The following TMCC1 variants were observed in gnomAD, a reference collection of about 807,000 sequenced individuals.
TMCC1 encodes transmembrane and coiled-coil domain family 1, also known as transmembrane and coiled-coil domains protein 1.
A neutral mutation model predicts 52.4 loss-of-function variants in TMCC1; 15 were observed. The ratio of observed to expected loss-of-function variants is 0.29; its 90% CI spans 0.19 to 0.44. The LOEUF is 0.44. TMCC1 is among the 20% of genes least tolerant of loss of function. The probability of loss-of-function intolerance (pLI) is 1.00; values close to 1 mark genes in which losing one functional copy is unlikely to be tolerated. For synonymous variants in TMCC1, 279 were observed against 301.9 expected (o/e 0.92, Z 0.79); for missense variants, 503 against 806.0 (o/e 0.62, Z 4.55).
chr3:129,652,086 C>G (rs2086366233), intron 6 of TMCC1, among the ~76,000 whole-genome samples: 1 of 152,206 alleles, frequency 6.6e-6, no homozygotes. Context: ...CAAATATATG[C>G]TCTTTTTTCA....
At chr3:129,845,806 C>A (rs2107883906) in intron 2 of TMCC1, among the ~76,000 whole-genome samples, 1 of 152,182 alleles carries the variant, frequency 6.6e-6, no homozygotes, top group African/African-American at 2.4e-5. Context: ...TCTAATCTCA[C>A]CCCCAATAGA....
At chr3:129,699,928 A>G (rs930068531) in intron 4 of TMCC1, among the ~76,000 whole-genome samples, 1 of 152,188 alleles carries the variant, frequency 6.6e-6, no homozygotes, top group Non-Finnish European at 1.5e-5. Flanking sequence ...AAACAAATAA[A>G]TGAAACAAAA....
chr3:129,738,708 T>G (rs185888968), intron 4 of TMCC1, among the ~76,000 whole-genome samples: 7 of 152,310 alleles, frequency 4.6e-5, no homozygotes, highest in Admixed American at 3.9e-4. Context: ...TCATTGTAAT[T>G]TTTTTCATTG....
chr3:129,701,619 G>A (rs182153298), intron 4 of TMCC1, among the ~76,000 whole-genome samples: 67 of 152,344 alleles, frequency 4.4e-4, no homozygotes, highest in African/African-American at 1.6e-3. Flanking sequence ...GAGGGCAAGA[G>A]AGGCTTTTGT....
chr3:129,724,306 A>G lies in TMCC1; in HGVS notation c.577-53042T>C, dbSNP rs114817979. 4.5e-3 allele frequency among the ~76,000 whole-genome samples: 693 copies of G among 152,336 alleles called. 8 individuals carry two copies. The highest frequency in any genetic ancestry group is 0.016 in the African/African-American group (660 of 41,574). On this transcript the variant is annotated intron_variant, in intron 4 of 6. Transcript: ENST00000393238. Reference sequence around the variant, plus strand: ...TTTGAATCCCAAACACAGGCAGCTCAAAAGTTTAATGGTAGAAAAGAACTT... The same window carrying G: ...TTTGAATCCCAAACACAGGCAGCTCGAAAGTTTAATGGTAGAAAAGAACTT...
chr3:129,828,887 T>A lies in TMCC1; in HGVS notation c.-130-379A>T, dbSNP rs548488215. ...CAAGAGAAGAGACCATCCAATAGGT[T>A]TACTCTAGCTGAGGCAATTTAATCC... On this transcript the variant is annotated intron_variant, in intron 3 of 6. Coordinates refer to ENST00000393238, the MANE Select transcript of TMCC1 (RefSeq NM_001017395.5). The surrounding 1 kb of genome is among the most constrained non-coding windows in gnomAD (Gnocchi z 4.1). 1.1e-4 allele frequency among the ~76,000 whole-genome samples: 17 copies of A among 152,316 alleles called. No individual in the cohort carries two copies. In the South Asian group the frequency reaches 1.7e-3, roughly 15 times the overall value.
chr3:129,888,193 T>C (rs775804313), intron 1 of TMCC1, among the ~76,000 whole-genome samples: 1 of 152,208 alleles, frequency 6.6e-6, no homozygotes, highest in Non-Finnish European at 1.5e-5. Context: ...TTTTCACTGA[T>C]GAAGCAGGAG....
chr3:129,770,603 AAATG>A (rs1198830070), intron 4 of TMCC1, among the ~76,000 whole-genome samples: 143 of 123,536 alleles, frequency 1.2e-3, no homozygotes, highest in African/African-American at 4.0e-3. Context: ...AAAATAAAAT[AAATG>A]AAATGAAATG....
chr3:129,862,798 T>C (rs551598999), intron 2 of TMCC1, among the ~76,000 whole-genome samples: 1 of 152,176 alleles, frequency 6.6e-6, no homozygotes, highest in African/African-American at 2.4e-5. Context: ...CCAAAAACTT[T>C]CAGAAATGTC....
intron 1 of TMCC1, among the ~76,000 whole-genome samples, chr3:129,889,246 T>C (rs986331399): frequency 6.6e-6 from 1 of 152,168 alleles, no homozygotes; most frequent in Non-Finnish European, 1.5e-5. Flanking sequence ...CACTCCAGTC[T>C]TGGTGACAGA....
chr3:129,702,947 T>C (rs181075598), intron 4 of TMCC1, among the ~76,000 whole-genome samples: 7 of 152,138 alleles, frequency 4.6e-5, no homozygotes, highest in Admixed American at 4.6e-4. Flanking sequence ...ACCCGGGAGG[T>C]TGAGGTTGCA....
chr3:129,689,200 A>G lies in TMCC1; in HGVS notation c.577-17936T>C, dbSNP rs539731111. ...AGAGAGAAAAACACTCTGAAATCTA[A>G]GCAAGAGATTAAAACATCACAATCA... On this transcript the variant is annotated intron_variant, in intron 4 of 6. Coordinates refer to ENST00000393238, the MANE Select transcript of TMCC1 (RefSeq NM_001017395.5). Among the ~76,000 whole-genome samples, 10 of 152,362 alleles carry G rather than the reference A, an allele frequency of 6.6e-5. No homozygotes were observed. In the South Asian group the frequency reaches 1.9e-3, roughly 28 times the overall value.
At chr3:129,844,064 C>T (rs1241170362) in intron 2 of TMCC1, among the ~76,000 whole-genome samples, 4 of 152,144 alleles carry the variant, frequency 2.6e-5, no homozygotes, top group African/African-American at 9.7e-5. Context: ...GGATGTAGGG[C>T]TGGTTCACAT....
intron 2 of TMCC1, among the ~76,000 whole-genome samples, chr3:129,865,436 C>A (rs964324150): frequency 6.6e-6 from 1 of 152,004 alleles, no homozygotes; most frequent in Non-Finnish European, 1.5e-5. Context: ...CAGGCGTGAG[C>A]CACCACTCCT....
intron 2 of TMCC1, among the ~76,000 whole-genome samples, chr3:129,840,915 T>C (rs566377949): frequency 1.1e-3 from 168 of 152,232 alleles, no homozygotes; most frequent in African/African-American, 3.7e-3. Flanking sequence ...GGTACTACTA[T>C]AGATACCAGA....
intron 4 of TMCC1, among the ~76,000 whole-genome samples, chr3:129,698,234 A>C (rs918357136): frequency 1.3e-5 from 2 of 152,176 alleles, no homozygotes; most frequent in African/African-American, 4.8e-5. Flanking sequence ...GTGGAAGGCG[A>C]AGGAGGAGCA....
intron 4 of TMCC1, among the ~76,000 whole-genome samples, chr3:129,709,510 A>AGAGT (rs2048500166): frequency 6.9e-6 from 1 of 145,022 alleles, no homozygotes; most frequent in Non-Finnish European, 1.5e-5. Context: ...AGAGAGAGAG[A>AGAGT]GAAACTTTAA....
intron 4 of TMCC1, among the ~76,000 whole-genome samples, chr3:129,824,013 A>G (rs1405109552): frequency 6.6e-6 from 1 of 152,172 alleles, no homozygotes; most frequent in Non-Finnish European, 1.5e-5. Context: ...TCTGAACAGA[A>G]AGAAAGTAAC....
intron 4 of TMCC1, among the ~76,000 whole-genome samples, chr3:129,714,983 T>C (rs1455205950): frequency 1.3e-5 from 2 of 152,196 alleles, no homozygotes; most frequent in East Asian, 1.9e-4. Flanking sequence ...TAATACTGGA[T>C]GGCTCAGCAA....
Sources: gnomAD v4.1 joint callset for allele counts (sites outside exome capture counted in the v4.1 genomes callset) on GRCh38, gnomAD v4.1.1 for gene constraint, Gnocchi (gnomAD v3.1) non-coding constraint, MANE v1.5 for transcripts, NCBI Gene and HGNC (gene_info 2026-07-23, HGNC 2026-07-21) for gene names.